Variants in LRRC4C observed in about 807,000 individuals in gnomAD.
LRRC4C encodes leucine rich repeat containing 4C.
Under a neutral mutation model 33.6 loss-of-function variants are expected in LRRC4C, and 5 were observed. The observed-to-expected ratio is 0.15, with a 90% confidence interval of 0.08 to 0.31. The LOEUF is 0.31. LRRC4C is among the 10% of genes least tolerant of loss of function. LRRC4C has a pLI of 1.00. For synonymous variants in LRRC4C, 329 were observed against 302.0 expected (o/e 1.09, Z -0.93); for missense variants, 560 against 796.7 (o/e 0.70, Z 3.58).
intron 3 of LRRC4C, among the ~76,000 whole-genome samples, chr11:40,471,681 C>CAAAA (rs1952944420): frequency 2.8e-5 from 2 of 70,504 alleles, no homozygotes; most frequent in African/African-American, 4.4e-5. Context: ...AAATGGAAAG[C>CAAAA]CAAAAAAAAA....
At chr11:41,303,995 T>TGGG (rs1436644350) in intron 1 of LRRC4C, among the ~76,000 whole-genome samples, 1 of 40,822 alleles carries the variant, frequency 2.4e-5, no homozygotes, top group African/African-American at 5.9e-5. Context: ...GGGAGGGAGG[T>TGGG]GGGGGGGGTC....
chr11:40,780,358 A>G (rs917672613), intron 2 of LRRC4C, among the ~76,000 whole-genome samples: 1 of 152,192 alleles, frequency 6.6e-6, no homozygotes, highest in African/African-American at 2.4e-5. Context: ...TCGAAAATAT[A>G]TATTGGTAAG....
chr11:40,198,713 A>G (rs1421846685), intron 5 of LRRC4C, among the ~76,000 whole-genome samples: 1 of 152,176 alleles, frequency 6.6e-6, no homozygotes, highest in Non-Finnish European at 1.5e-5. Flanking sequence ...ATGTATTTAC[A>G]TTCCTCCAGT....
intron 1 of LRRC4C, among the ~76,000 whole-genome samples, chr11:41,235,228 A>C (rs1947967090): frequency 6.6e-6 from 1 of 152,090 alleles, no homozygotes; most frequent in Non-Finnish European, 1.5e-5. Flanking sequence ...GTGACAAAAG[A>C]GAAATACATT....
chr11:41,272,218 C>T (rs10837606), intron 1 of LRRC4C, among the ~76,000 whole-genome samples: 27,735 of 151,972 alleles, frequency 0.18, 3,114 homozygotes, highest in East Asian at 0.44. Flanking sequence ...GTCTTTGTGG[C>T]GATGCTGTGG....
chr11:40,375,554 CACCAGGCTAGAGCT>C (rs1280770781), intron 3 of LRRC4C, among the ~76,000 whole-genome samples: 2 of 152,082 alleles, frequency 1.3e-5, no homozygotes. Context: ...TGTGGCATAC[CACCAGGCTAGAGCT>C]AGGTGGACAT....
chr11:41,268,157 C>T (rs1465338656), intron 1 of LRRC4C, among the ~76,000 whole-genome samples: 1 of 152,136 alleles, frequency 6.6e-6, no homozygotes, highest in African/African-American at 2.4e-5. Flanking sequence ...TGATTGCACA[C>T]AAAGCAAGGT....
intron 3 of LRRC4C, among the ~76,000 whole-genome samples, chr11:40,522,899 A>G (rs77156339): frequency 0.021 from 3,141 of 152,292 alleles, 119 homozygotes; most frequent in African/African-American, 0.071. Context: ...TAAAAGTTGA[A>G]TAATATTCCA....
intron 1 of LRRC4C, among the ~76,000 whole-genome samples, chr11:40,989,710 C>A (rs1173913754): frequency 6.6e-6 from 1 of 151,966 alleles, no homozygotes; most frequent in Non-Finnish European, 1.5e-5. Context: ...CCCAAAATAT[C>A]TCTTGCTGCA....
intron 1 of LRRC4C, among the ~76,000 whole-genome samples, chr11:41,309,350 G>T (rs1345069164): frequency 1.3e-5 from 2 of 152,188 alleles, no homozygotes; most frequent in East Asian, 3.9e-4. Flanking sequence ...CACTAAGAAG[G>T]CTGAGGATGG....
intron 3 of LRRC4C, among the ~76,000 whole-genome samples, chr11:40,461,061 T>G (rs951581140): frequency 2.0e-5 from 3 of 152,142 alleles, no homozygotes; most frequent in African/African-American, 7.2e-5. Flanking sequence ...GCCTAAAGTT[T>G]AAACAGATGG....
chr11:40,447,415 C>T (rs113612392), intron 3 of LRRC4C, among the ~76,000 whole-genome samples: 14 of 152,208 alleles, frequency 9.2e-5, no homozygotes, highest in African/African-American at 1.2e-4. Flanking sequence ...CATGTTTGCT[C>T]GTCTTCAGAT....
At chr11:41,165,805 G>A (rs890527727) in intron 1 of LRRC4C, among the ~76,000 whole-genome samples, 13 of 152,004 alleles carry the variant, frequency 8.6e-5, no homozygotes, top group African/African-American at 3.1e-4. Flanking sequence ...CGAGGTGGGT[G>A]GACCACCTGA....
intron 1 of LRRC4C, among the ~76,000 whole-genome samples, chr11:41,288,769 G>C (rs192167977): frequency 4.6e-5 from 7 of 152,214 alleles, no homozygotes; most frequent in Non-Finnish European, 1.0e-4. Context: ...CTTATTTGAG[G>C]CTTAGGATCT....
intron 5 of LRRC4C, among the ~76,000 whole-genome samples, chr11:40,175,070 C>A (rs1031860937): frequency 2.0e-5 from 3 of 152,178 alleles, no homozygotes; most frequent in Non-Finnish European, 2.9e-5. Flanking sequence ...CTAGCTCTAC[C>A]ATTACCATGT....
chr11:41,339,816 A>T (rs914847727), intron 1 of LRRC4C, among the ~76,000 whole-genome samples: 6 of 152,266 alleles, frequency 3.9e-5, no homozygotes, highest in South Asian at 4.1e-4. Flanking sequence ...ATGCCTCAGA[A>T]TTTTTACAGA....
intron 2 of LRRC4C, among the ~76,000 whole-genome samples, chr11:40,813,119 A>G (rs938835490): frequency 1.3e-5 from 2 of 152,178 alleles, no homozygotes; most frequent in Non-Finnish European, 2.9e-5. Context: ...TGCCAGAATA[A>G]AATCTAATTG....
chr11:41,449,887 C>G (rs1955963982), intron 1 of LRRC4C, among the ~76,000 whole-genome samples: 1 of 151,682 alleles, frequency 6.6e-6, no homozygotes, highest in Non-Finnish European at 1.5e-5. Context: ...GATCCAGATT[C>G]TAAGCCAAGA....
At chr11:41,278,825 T>G (rs78657935) in intron 1 of LRRC4C, among the ~76,000 whole-genome samples, 3 of 8,490 alleles carry the variant, frequency 3.5e-4, no homozygotes, top group African/African-American at 5.2e-4. Context: ...TTGTTTTGTG[T>G]TTTTTTCCCC....
Sources: gnomAD v4.1 joint callset for allele counts (sites outside exome capture counted in the v4.1 genomes callset) on GRCh38, gnomAD v4.1.1 for gene constraint, MANE v1.5 for transcripts, NCBI Gene and HGNC (gene_info 2026-07-23, HGNC 2026-07-21) for gene names.